The following RELCH variants were observed in gnomAD, a reference collection of about 807,000 sequenced individuals.
RELCH encodes RAB11 binding and LisH domain, coiled-coil and HEAT repeat containing, also known as RAB11-binding protein RELCH.
A neutral mutation model predicts 150.3 loss-of-function variants in RELCH; 41 were observed. The ratio of observed to expected loss-of-function variants is 0.27; its 90% confidence interval spans 0.21 to 0.35. RELCH has a LOEUF of 0.35. RELCH is among the 10% of genes least tolerant of loss of function. The pLI, the probability that RELCH is intolerant of heterozygous loss-of-function variation, is 1.00. For missense variants in RELCH, 1,092 were observed against 1,467.8 expected (o/e 0.74, Z 4.18); for synonymous variants, 478 against 531.8 (o/e 0.90, Z 1.39).
Position 62,238,684 on chromosome 18 carries a change from T to A in RELCH, c.1621-6080T>A, listed in dbSNP as rs115626355. Among the ~76,000 whole-genome samples, 416 of 152,056 alleles carry A rather than the reference T, an allele frequency of 2.7e-3. 1 individual carries two copies. The highest frequency in any genetic ancestry group is 9.5e-3 in the African/African-American group (393 of 41,506). ...GGAGTGGAAATGAGGAGAGACTTAA[T>A]GGAGACCAGCTTTCCTTTTGGGATA... On this transcript the variant is annotated intron_variant, in intron 10 of 28. Coordinates refer to ENST00000644646, the MANE Select transcript of RELCH (RefSeq NM_001346231.2).
chr18:62,264,616 C>A, intron 17 of RELCH, 113 bp from the exon 18 acceptor site: 1 of 791,952 alleles, frequency 1.3e-6, no homozygotes, highest in East Asian at 2.6e-5. Flanking sequence ...AATGCCTTTC[C>A]TTTCAAAGAA....
intron 20 of RELCH, among the ~76,000 whole-genome samples, chr18:62,272,157 T>C (rs1181647936): frequency 6.6e-6 from 1 of 152,174 alleles, no homozygotes; most frequent in African/African-American, 2.4e-5. Flanking sequence ...TTGTAAAAGA[T>C]TTTAAGTCAT....
At position 62,187,870 on chromosome 18, in the gene RELCH, G is replaced by A. The variant is rs2148122779; in HGVS notation, c.365G>A (p.Arg122Gln). 1 of 1,594,182 alleles carries A rather than the reference G, an allele frequency of 6.3e-7. No homozygotes were observed. The highest frequency in any genetic ancestry group is 8.5e-7 in the Non-Finnish European group (1 of 1,170,932). Reference sequence around the variant, plus strand: ...CATACCGAGCTGTTAGAGAGTGGCCGGGAGCTGCCTCGGCTGCGCGACTAC... The same window carrying A: ...CATACCGAGCTGTTAGAGAGTGGCCAGGAGCTGCCTCGGCTGCGCGACTAC... ...ELHTELLESG[R>Q]ELPRLRDYFS... The change falls in exon 1 of 29, where the codon CGG (arginine) becomes CAG (glutamine). Residue 122 changes from arginine to glutamine, a missense_variant. Transcript: ENST00000644646.
At chr18:62,194,672 T>A (rs1406956033) in intron 1 of RELCH, among the ~76,000 whole-genome samples, 1 of 152,226 alleles carries the variant, frequency 6.6e-6, no homozygotes, top group East Asian at 1.9e-4. Flanking sequence ...TATATTCAAT[T>A]TTAGCATGTC....
intron 10 of RELCH, among the ~76,000 whole-genome samples, chr18:62,243,467 G>A (rs1473426796): frequency 6.6e-6 from 1 of 152,064 alleles, no homozygotes; most frequent in Admixed American, 6.6e-5. Flanking sequence ...CTACAGAGAT[G>A]CCCAAACAGG....
chr18:62,252,344 G>A (rs1449738236), intron 11 of RELCH, among the ~76,000 whole-genome samples: 1 of 151,606 alleles, frequency 6.6e-6, no homozygotes, highest in African/African-American at 2.4e-5. Flanking sequence ...ATGGTGAAAC[G>A]CCGTCTCTAC....
chr18:62,211,783 A>T (rs1436128676), intron 2 of RELCH, among the ~76,000 whole-genome samples: 1 of 152,034 alleles, frequency 6.6e-6, no homozygotes, highest in Non-Finnish European at 1.5e-5. Context: ...ATAAATAAGC[A>T]AATAAATAAA....
At chr18:62,222,010 A>T (rs1046079308) in intron 5 of RELCH, among the ~76,000 whole-genome samples, 1 of 152,014 alleles carries the variant, frequency 6.6e-6, no homozygotes, top group East Asian at 1.9e-4. Flanking sequence ...CTCTTTAAGC[A>T]AAAAAGATGT....
chr18:62,261,617 C>G lies in RELCH; in HGVS notation c.2309C>G (p.Ser770Cys). 1 of 1,611,420 alleles carries G rather than the reference C, an allele frequency of 6.2e-7. No homozygotes were observed. Among genetic ancestry groups the G allele is most frequent in the Non-Finnish European group, 8.5e-7 (1 of 1,178,526 alleles). The part of the protein sequence containing the change: ...FALVLQNAPF[S>C]SKAKLHGEVP... ...TTAGTGCTACAGAATGCACCTTTCT[C>G]CAGCAAAGCCAAGCTTCATGGTGAA... The change falls in exon 16 of 29, where the codon TCC (serine) becomes TGC (cysteine). Residue 770 changes from serine to cysteine, a missense_variant. Ser to Cys is a moderately radical substitution (Grantham distance 112). Around this residue, in one of 4 missense-constraint regions of RELCH, gnomAD observed 707 missense variants for 1,025.4 expected, o/e 0.69. Transcript: ENST00000644646.
At chr18:62,251,823 T>C (rs2042717624) in intron 11 of RELCH, among the ~76,000 whole-genome samples, 2 of 152,154 alleles carry the variant, frequency 1.3e-5, no homozygotes, top group Non-Finnish European at 2.9e-5. Flanking sequence ...AATCTCAGAA[T>C]GTATGTGTGG....
intron 27 of RELCH, among the ~76,000 whole-genome samples, chr18:62,297,301 T>G (rs974274924): frequency 6.6e-6 from 1 of 152,150 alleles, no homozygotes; most frequent in African/African-American, 2.4e-5. Flanking sequence ...AGATTTAACT[T>G]AAAGTGAAGT....
chr18:62,280,280 G>T, intron 23 of RELCH: 1 of 1,142,228 alleles, frequency 8.8e-7, no homozygotes, highest in Non-Finnish European at 1.3e-6. Context: ...GAGTCTGCCT[G>T]CCCATCCTCA....
intron 1 of RELCH, among the ~76,000 whole-genome samples, chr18:62,207,826 A>G (rs915898708): frequency 2.2e-4 from 34 of 152,190 alleles, no homozygotes; most frequent in African/African-American, 8.2e-4. Context: ...GTCACTACCC[A>G]TTCTCCTATG....
intron 1 of RELCH, among the ~76,000 whole-genome samples, chr18:62,194,672 T>G (rs1406956033): frequency 6.6e-6 from 1 of 152,226 alleles, no homozygotes; most frequent in African/African-American, 2.4e-5. Flanking sequence ...TATATTCAAT[T>G]TTAGCATGTC....
At chr18:62,296,732 A>T (rs1477490871) in intron 27 of RELCH, among the ~76,000 whole-genome samples, 1 of 152,018 alleles carries the variant, frequency 6.6e-6, no homozygotes, top group African/African-American at 2.4e-5. Context: ...TTATGAAGGG[A>T]TGTTAGATAT....
chr18:62,231,706 A>G (rs1329626079), intron 9 of RELCH, among the ~76,000 whole-genome samples: 1 of 151,774 alleles, frequency 6.6e-6, no homozygotes, highest in Non-Finnish European at 1.5e-5. Context: ...TTATTTTTGC[A>G]GATTAGTCTT....
At chr18:62,239,339 T>A (rs1198014346) in intron 10 of RELCH, among the ~76,000 whole-genome samples, 1 of 151,920 alleles carries the variant, frequency 6.6e-6, no homozygotes, top group Non-Finnish European at 1.5e-5. Flanking sequence ...TCTTTTTTTT[T>A]TTTTCTTATG....
chr18:62,277,564 AC>A (rs902647014), intron 22 of RELCH: 101 of 807,692 alleles, frequency 1.3e-4, no homozygotes, highest in Admixed American at 6.3e-5. Flanking sequence ...CATAAAAAAA[AC>A]ACATTCTTTT....
At chr18:62,188,886 C>G (rs541636363) in intron 1 of RELCH, among the ~76,000 whole-genome samples, 1 of 152,212 alleles carries the variant, frequency 6.6e-6, no homozygotes, top group African/African-American at 2.4e-5. Flanking sequence ...CTTAAATATT[C>G]CCTTACTAAT....
Sources: allele counts gnomAD v4.1 joint callset (sites outside exome capture counted in the v4.1 genomes callset), GRCh38; gene constraint gnomAD v4.1.1; regional missense constraint gnomAD v4.1.1; transcripts MANE v1.5; gene names NCBI Gene and HGNC (gene_info 2026-07-23, HGNC 2026-07-21).